HAS3: variants seen among roughly 807,000 people sequenced by gnomAD.
The protein encoded by HAS3 is hyaluronan synthase 3, also known as HA synthase 3.
Under a neutral mutation model 50.3 loss-of-function variants are expected in HAS3, and 27 were observed. That is an observed-to-expected ratio of 0.54 (90% CI 0.40 to 0.74). The LOEUF is 0.74. HAS3 is among the 30% of genes least tolerant of loss of function. HAS3 has a pLI of 0.00. For synonymous variants in HAS3, 339 were observed against 310.9 expected, an observed-to-expected ratio of 1.09 and a Z score of -0.95; for missense variants, 517 against 742.8, an observed-to-expected ratio of 0.70 and a Z score of 3.53.
chr16:69,115,123 G>A lies in HAS3; in HGVS notation c.1519G>A (p.Glu507Lys). 3 of 1,611,328 alleles carry A rather than the reference G, an allele frequency of 1.9e-6. No homozygotes were observed. Among genetic ancestry groups the A allele is most frequent in the Non-Finnish European group, 2.5e-6 (3 of 1,178,422 alleles). Residue 507 changes from glutamate (E) to lysine (K), a missense_variant, in exon 4 of 4, where the codon GAG becomes AAG. Glu to Lys is a moderately conservative substitution (Grantham distance 56). Transcript: ENST00000569188. ...AGCTTATTGCCAGGACCTGTTCAGT[G>A]AGACAGAGCTAGCCTTCCTTGTCTC... Reference protein sequence around the residue: ...YTAYCQDLFSETELAFLVSGA... With the variant: ...YTAYCQDLFSKTELAFLVSGA...
rs1961171569 is a variant in HAS3 at position 69,116,167 on chromosome 16, C to T, written c.*901C>T. 1 of 985,332 alleles carries T rather than the reference C, an allele frequency of 1.0e-6. No individual in the cohort carries two copies. The highest frequency in any genetic ancestry group is 4.7e-5 in the South Asian group (1 of 21,280). 61.0% of individuals were successfully genotyped at this position (985,332 alleles called of 1,614,324 possible). A position where few individuals can be genotyped will look rare whatever the true frequency, so the allele number is the denominator to read the frequency against. On this transcript the variant is annotated 3_prime_UTR_variant, in exon 4 of 4. Coordinates refer to ENST00000569188, the MANE Select transcript of HAS3 (RefSeq NM_001199280.2). ...AATTCCTCTCAAATTCAGCTCTGAT[C>T]TGAGGCTAAGACACACTCCCCACTT...
At chr16:69,112,101 G>A (rs188024043) in intron 2 of HAS3, among the ~76,000 whole-genome samples, 3 of 152,356 alleles carry the variant, frequency 2.0e-5, no homozygotes, top group East Asian at 1.9e-4. Context: ...CAGGCAGCAC[G>A]AGAGCTCTTC....
chr16:69,117,576 CTTTTTT>C lies in HAS3; in HGVS notation c.*2321_*2326del, dbSNP rs10558208. 32 of 698,264 alleles carry C rather than the reference CTTTTTT, an allele frequency of 4.6e-5. No homozygotes were observed. The highest frequency in any genetic ancestry group is 6.5e-5 in the South Asian group (1 of 15,366). The allele number at this position is 698,264 out of a possible 1,614,324, so 43.3% of individuals were successfully genotyped here. A position where few individuals can be genotyped will look rare whatever the true frequency, so the allele number is the denominator to read the frequency against. On this transcript the variant is annotated 3_prime_UTR_variant, in exon 4 of 4. Coordinates refer to ENST00000569188, the MANE Select transcript of HAS3 (RefSeq NM_001199280.2). ...TTGTAAACATATTTATTTTTACCTG[CTTTTTT>C]TTTTTTTTTTAATTTTCAGGTCAAG...
Position 69,114,923 on chromosome 16 carries a change from C to T in HAS3, c.1319C>T (p.Ser440Phe). The stretch of plus-strand genomic sequence containing the variant: ...GGCAATGCAGAGATGATCTTCATGT[C>T]CCTCTACTCCCTCCTCTATATGTCC... Reference protein sequence around the residue: ...LRGNAEMIFMSLYSLLYMSSL... With the variant: ...LRGNAEMIFMFLYSLLYMSSL... The change falls in exon 4 of 4, where the codon TCC becomes TTC. Residue 440 changes from serine to phenylalanine, a missense_variant. Ser to Phe is a radical substitution (Grantham distance 155). Transcript: ENST00000569188. This position sits in a 1 kb window ranked among gnomAD's most constrained non-coding sequence, Gnocchi z 6.4. 2 of 1,614,082 alleles carry T rather than the reference C, an allele frequency of 1.2e-6. No individual in the cohort carries two copies. Among genetic ancestry groups the T allele is most frequent in the South Asian group, 1.1e-5 (1 of 91,076 alleles).
Position 69,115,856 on chromosome 16 carries a change from A to G in HAS3, c.*590A>G. On this transcript the variant is annotated 3_prime_UTR_variant, in exon 4 of 4. Transcript: ENST00000569188. ...CTTTATGTGAGATACCCCACTCCAC[A>G]TCAACATTCCAGGGATGAGCCAAAC... is the stretch of plus-strand genomic sequence containing the variant. 1 of 985,906 alleles carries G rather than the reference A, an allele frequency of 1.0e-6. No individual in the cohort carries two copies. Among genetic ancestry groups the G allele is most frequent in the Non-Finnish European group, 1.2e-6 (1 of 829,966 alleles). The allele number at this position is 985,906 out of a possible 1,614,324, so 61.1% of individuals were successfully genotyped here.
At chr16:69,098,336 A>G in the HAS3 span, among the ~76,000 whole-genome samples, 1 of 151,508 alleles carries the variant, frequency 6.6e-6, no homozygotes, top group Non-Finnish European at 1.5e-5. Flanking sequence ...GCGCCACTGC[A>G]CTCCAGCCTG....
upstream of HAS3, among the ~76,000 whole-genome samples, chr16:69,104,162 C>G (rs1489097259): frequency 2.6e-5 from 4 of 152,000 alleles, no homozygotes; most frequent in Admixed American, 6.6e-5. Flanking sequence ...TCGATCATAG[C>G]TCACTGTTGC....
chr16:69,094,501 A>C, the HAS3 span, among the ~76,000 whole-genome samples: 1 of 152,202 alleles, frequency 6.6e-6, no homozygotes, highest in Non-Finnish European at 1.5e-5. Flanking sequence ...TGCTGTTCCA[A>C]GATTTCAAAG....
chr16:69,113,419 T>G (rs749538555), intron 2 of HAS3, 22 bp from the exon 3 acceptor site: 18 of 1,557,286 alleles, frequency 1.2e-5, no homozygotes, highest in Non-Finnish European at 1.6e-5. Context: ...CAGAATGGGC[T>G]GACGACGCAC....
chr16:69,113,295 A>G, intron 2 of HAS3, 146 bp from the exon 3 acceptor site: 1 of 673,402 alleles, frequency 1.5e-6, no homozygotes, highest in East Asian at 2.7e-5. Flanking sequence ...ACCTTCTGGT[A>G]GCGCAGATCT....
chr16:69,113,331 A>G (rs1961069772), intron 2 of HAS3, 110 bp from the exon 3 acceptor site: 4 of 766,394 alleles, frequency 5.2e-6, no homozygotes, highest in African/African-American at 3.4e-5. Context: ...GAAGTGAGTC[A>G]TGTGTGAAGG....
chr16:69,111,808 C>A (rs1281390373), intron 2 of HAS3, among the ~76,000 whole-genome samples: 3 of 152,190 alleles, frequency 2.0e-5, no homozygotes. Context: ...AGCCCTGGCA[C>A]AGGCTCAAGC....
chr16:69,102,586 C>A (rs939893985), upstream of HAS3, among the ~76,000 whole-genome samples: 2 of 152,174 alleles, frequency 1.3e-5, no homozygotes, highest in Admixed American at 6.5e-5. Context: ...AGAGAGTGCT[C>A]CCTAGGGCAG....
chr16:69,083,712 C>A, the HAS3 span: 6 of 1,520,010 alleles, frequency 3.9e-6, no homozygotes, highest in Non-Finnish European at 5.3e-6. Context: ...CACCCAGAGC[C>A]GTGCCCAGGT....
chr16:69,117,091 T>C lies in HAS3; in HGVS notation c.*1825T>C. ...GCTGGTTGACATCAGACCCAACCCA[T>C]GAAGGCTGGAAGGCAGCAGGCATTT... is the stretch of plus-strand genomic sequence containing the variant. On this transcript the variant is annotated 3_prime_UTR_variant, in exon 4 of 4. Transcript: ENST00000569188. The C allele has an allele frequency of 1.0e-6, 1 of 985,758 alleles. No individual in the cohort carries two copies. Among genetic ancestry groups the C allele is most frequent in the East Asian group, 1.1e-4 (1 of 8,818 alleles). 61.1% of individuals were successfully genotyped at this position (985,758 alleles called of 1,614,324 possible). A position where few individuals can be genotyped will look rare whatever the true frequency, so the allele number is the denominator to read the frequency against.
chr16:69,114,147 G>A lies in HAS3; in HGVS notation c.739-196G>A, dbSNP rs1250716081. Reference sequence around the variant, plus strand: ...GCAGATAAGATGACACAGTAGGGAGGTAGAGCTGGTGCTGGGGACAGGGAT... The same window carrying A: ...GCAGATAAGATGACACAGTAGGGAGATAGAGCTGGTGCTGGGGACAGGGAT... On this transcript the variant is annotated intron_variant, in intron 3 of 3. Coordinates refer to ENST00000569188, the MANE Select transcript of HAS3 (RefSeq NM_001199280.2). The surrounding 1 kb of genome is among the most constrained non-coding windows in gnomAD (Gnocchi z 6.4). Among the ~76,000 whole-genome samples the A allele has an allele frequency of 2.0e-5, 3 of 152,210 alleles. No homozygotes were observed.
chr16:69,115,304 A>G lies in HAS3; in HGVS notation c.*38A>G, dbSNP rs1282606444. The G allele has an allele frequency of 1.3e-6, 2 of 1,498,578 alleles. No homozygotes were observed. The highest frequency in any genetic ancestry group is 1.8e-6 in the Non-Finnish European group (2 of 1,127,626). The allele number at this position is 1,498,578 out of a possible 1,614,324, so 92.8% of individuals were successfully genotyped here. On this transcript the variant is annotated 3_prime_UTR_variant, in exon 4 of 4. Coordinates refer to ENST00000569188, the MANE Select transcript of HAS3 (RefSeq NM_001199280.2). ...GCAGAGCGGGTAAAGTGCAATGGGT[A>G]AGGGAGGGAAGGGGAATGGAAGAGA...
At position 69,113,367 on chromosome 16, in the gene HAS3, G is replaced by C. The variant is rs1167783930; in HGVS notation, c.637-74G>C. ...GGTCATGTCTCTCAGGCAGTGAGCA[G>C]CCTGGCAGTGGGGTGGGGGACAGGG... is the stretch of plus-strand genomic sequence containing the variant. On this transcript the variant is annotated intron_variant, in intron 2 of 3. Transcript: ENST00000569188. 18 of 945,468 alleles carry C rather than the reference G, an allele frequency of 1.9e-5. No homozygotes were observed. In the African/African-American group the frequency reaches 2.7e-4, roughly 14 times the overall value. The allele number at this position is 945,468 out of a possible 1,614,324, so 58.6% of individuals were successfully genotyped here.
At chr16:69,103,186 G>A (rs533810946), upstream of HAS3, among the ~76,000 whole-genome samples, 22 of 152,266 alleles carry the variant, frequency 1.4e-4, no homozygotes, top group Admixed American at 1.2e-3. Context: ...TAAACGGAGC[G>A]TTTGCTCTCC....
Sources: gnomAD v4.1 joint callset for allele counts (sites outside exome capture counted in the v4.1 genomes callset) on GRCh38, gnomAD v4.1.1 for gene constraint, Gnocchi (gnomAD v3.1) non-coding constraint, MANE v1.5 for transcripts, NCBI Gene and HGNC (gene_info 2026-07-23, HGNC 2026-07-21) for gene names.